UPF3B: variants seen among roughly 807,000 people sequenced by gnomAD.
UPF3B encodes regulator of nonsense transcripts 3B.
In UPF3B, 7 loss-of-function variants were observed where a neutral mutation model predicts 40.3. That is an observed-to-expected ratio of 0.17 (90% confidence interval 0.10 to 0.33). The LOEUF (loss-of-function observed/expected upper bound fraction) is 0.33, where lower values mean the gene tolerates loss of function less well. Ranked by LOEUF, UPF3B falls within the 10% of genes least tolerant of loss-of-function variation. The pLI is 1.00. For synonymous variants in UPF3B, 117 were observed against 117.3 expected, an observed-to-expected ratio of 1.00 and a Z score of 0.01; for missense variants, 229 against 358.9, an observed-to-expected ratio of 0.64 and a Z score of 2.93.
intron 3 of UPF3B, among the ~76,000 whole-genome samples, chrX:119,824,928 G>A (rs1268311302): frequency 9.2e-6 from 1 of 109,212 alleles, no homozygotes; most frequent in African/African-American, 3.3e-5. Flanking sequence ...CACCATGCCC[G>A]GCTAATTTTT....
intron 4 of UPF3B, among the ~76,000 whole-genome samples, chrX:119,820,607 G>A (rs995197310): frequency 2.8e-5 from 3 of 106,112 alleles, no homozygotes; most frequent in Non-Finnish European, 5.8e-5. Context: ...CTACAGGTGC[G>A]CTCCACCAAG....
chrX:119,810,445 C>T (rs1296336296), intron 5 of UPF3B, among the ~76,000 whole-genome samples: 1 of 112,050 alleles, frequency 8.9e-6, no homozygotes, highest in Admixed American at 9.6e-5. Flanking sequence ...GAAGTAATGG[C>T]TCCGAAGATG....
Position 119,823,123 on chromosome X carries a change from A to G in UPF3B, c.393-80T>C, listed in dbSNP as rs1486496892. The G allele has an allele frequency of 2.2e-5, 10 of 445,573 alleles. No homozygotes were observed. In the South Asian group the frequency reaches 9.2e-4, roughly 41 times the overall value. 36.7% of individuals were successfully genotyped at this position (445,573 alleles called of 1,213,427 possible). A position where few individuals can be genotyped will look rare whatever the true frequency, so the allele number is the denominator to read the frequency against. On this transcript the variant is annotated intron_variant, in intron 3 of 6. Coordinates refer to the UPF3B transcript ENST00000636792. ...GAGATTTTTAGGTTATACCTTATAT[A>G]TTAATATATACTAAAGCCCAGTCAT...
downstream of UPF3B, chrX:119,833,952 A>G (rs1380303728): frequency 1.5e-6 from 1 of 663,425 alleles, no homozygotes; most frequent in Non-Finnish European, 1.8e-6. Flanking sequence ...AAGGTGAGTG[A>G]TGTCAGATGT....
intron 9 of UPF3B, 64 bp downstream of exon 9, chrX:119,838,303 C>G (rs938395806): frequency 2.5e-5 from 29 of 1,149,655 alleles, no homozygotes; most frequent in Non-Finnish European, 3.3e-5. Flanking sequence ...GGTACATGTC[C>G]AGGACATAGC....
intron 5 of UPF3B, among the ~76,000 whole-genome samples, chrX:119,811,464 G>A (rs2147752764): frequency 9.1e-6 from 1 of 110,034 alleles, no homozygotes; most frequent in East Asian, 2.9e-4. Flanking sequence ...TCGCCAACAT[G>A]GTGAAACCCC....
chrX:119,827,396 C>T (rs1214117252), intron 3 of UPF3B, among the ~76,000 whole-genome samples: 1 of 109,108 alleles, frequency 9.2e-6, no homozygotes, highest in African/African-American at 3.3e-5. Context: ...CTTGGTGGAG[C>T]TTATGAGAAA....
At chrX:119,841,408 C>A (rs2056159911) in intron 6 of UPF3B, 150 bp from the exon 7 acceptor site, 3 of 954,698 alleles carry the variant, frequency 3.1e-6, no homozygotes, top group Admixed American at 2.9e-5. Context: ...CCCACTCCAC[C>A]CAGAAAACGA....
At chrX:119,820,626 A>ATT (rs370271993) in intron 4 of UPF3B, among the ~76,000 whole-genome samples, 4 of 90,156 alleles carry the variant, frequency 4.4e-5, no homozygotes, top group South Asian at 5.0e-4. Flanking sequence ...AGCCTGGCCA[A>ATT]TTTTTTTTTT....
chrX:119,809,220 A>C (rs753467108), intron 5 of UPF3B, among the ~76,000 whole-genome samples: 4 of 110,161 alleles, frequency 3.6e-5, no homozygotes, highest in Non-Finnish European at 7.5e-5. Context: ...GGTGTGACTC[A>C]CTCATTATCA....
intron 5 of UPF3B, among the ~76,000 whole-genome samples, chrX:119,812,621 C>T (rs1281568036): frequency 9.0e-6 from 1 of 111,708 alleles, no homozygotes; most frequent in Non-Finnish European, 1.9e-5. Flanking sequence ...TTCTCCTACT[C>T]TCTGGCTAGT....
chrX:119,840,932 G>T, intron 7 of UPF3B, 144 bp downstream of exon 7: 2 of 668,345 alleles, frequency 3.0e-6, no homozygotes, highest in Non-Finnish European at 4.5e-6. Context: ...TTACAGGAAA[G>T]ATTTTTATTG....
chrX:119,819,053 CTTTT>C (rs561336054), intron 4 of UPF3B, among the ~76,000 whole-genome samples: 1 of 88,423 alleles, frequency 1.1e-5, no homozygotes. Flanking sequence ...GTAACACCAG[CTTTT>C]TTTTTTTTTT....
intron 6 of UPF3B, chrX:119,807,372 T>G (rs2055801346): frequency 1.2e-6 from 1 of 851,686 alleles, no homozygotes; most frequent in Admixed American, 3.4e-5. Flanking sequence ...ACTTCTGGAT[T>G]GCTTAACGTG....
intron 10 of UPF3B, 59 bp from the exon 11 acceptor site, chrX:119,835,086 T>C: frequency 3.4e-6 from 4 of 1,163,793 alleles, no homozygotes; most frequent in Non-Finnish European, 4.7e-6. Context: ...TTATATGGGA[T>C]TTTTAAGAGT....
At chrX:119,833,365 G>A (rs762760276), downstream of UPF3B, among the ~76,000 whole-genome samples, 100 of 110,929 alleles carry the variant, frequency 9.0e-4, no homozygotes, top group Non-Finnish European at 1.5e-3. Flanking sequence ...TTTGAGGCAC[G>A]GTCTCACTTT....
chrX:119,806,855 C>G lies in UPF3B; in HGVS notation c.*11+620G>C, dbSNP rs1055090843. On this transcript the variant is annotated intron_variant, in intron 6 of 6. Coordinates refer to the UPF3B transcript ENST00000636792. ...ACCAGCGTGGCCAACGTGGTGAAAC[C>G]CCATGTCTACTAAAAATACAAAAAT... Among the ~76,000 whole-genome samples the G allele has an allele frequency of 2.8e-5, 3 of 108,137 alleles. No homozygotes were observed. In the South Asian group the frequency reaches 1.2e-3, roughly 43 times the overall value. 93.9% of individuals were successfully genotyped at this position (108,137 alleles called of 115,157 possible). A position where few individuals can be genotyped will look rare whatever the true frequency, so the allele number is the denominator to read the frequency against.
intron 4 of UPF3B, among the ~76,000 whole-genome samples, 199 bp from the exon 5 acceptor site, chrX:119,843,500 C>A (rs1230779066): frequency 8.9e-6 from 1 of 112,075 alleles, no homozygotes; most frequent in Admixed American, 9.5e-5. Context: ...CTGATACTCA[C>A]TATAGGAATC....
intron 5 of UPF3B, among the ~76,000 whole-genome samples, chrX:119,813,936 A>C (rs1029761634): frequency 2.7e-5 from 3 of 111,455 alleles, no homozygotes; most frequent in African/African-American, 9.8e-5. Flanking sequence ...CTAATACAGG[A>C]GTGAACCATG....
Sources: allele counts gnomAD v4.1 joint callset (sites outside exome capture counted in the v4.1 genomes callset), GRCh38; gene constraint gnomAD v4.1.1; transcripts MANE v1.5; gene names NCBI Gene and HGNC (gene_info 2026-07-23, HGNC 2026-07-21).